Variants in DPP6 observed in about 807,000 individuals in gnomAD.
DPP6 encodes A-type potassium channel modulatory protein DPP6.
DPP6 carries 69 observed loss-of-function variants against 122.6 expected under a neutral mutation model. The ratio of observed to expected loss-of-function variants is 0.56; its 90% CI spans 0.46 to 0.69. The LOEUF (loss-of-function observed/expected upper bound fraction) is 0.69, where lower values mean the gene tolerates loss of function less well. DPP6 is among the 30% of genes least tolerant of loss of function. The pLI, the probability that DPP6 is intolerant of heterozygous loss-of-function variation, is 0.00. For synonymous variants in DPP6, 418 were observed against 433.1 expected, an observed-to-expected ratio of 0.97 and a Z score of 0.43; for missense variants, 928 against 1,116.9, an observed-to-expected ratio of 0.83 and a Z score of 2.41.
chr7:153,772,464 T>G, the DPP6 span, among the ~76,000 whole-genome samples: 1 of 151,784 alleles, frequency 6.6e-6, no homozygotes, highest in Non-Finnish European at 1.5e-5. Flanking sequence ...ACCAATAAAA[T>G]GTGTAAACAT....
At chr7:153,827,668 C>T in the DPP6 span, among the ~76,000 whole-genome samples, 1 of 152,054 alleles carries the variant, frequency 6.6e-6, no homozygotes, top group African/African-American at 2.4e-5. Context: ...CAACAAGGAC[C>T]ACATAGGACA....
chr7:154,827,799 G>C (rs543794868), intron 16 of DPP6, among the ~76,000 whole-genome samples: 1 of 150,510 alleles, frequency 6.6e-6, no homozygotes, highest in East Asian at 2.0e-4. Flanking sequence ...CTGTGGGGGG[G>C]TGTCAGATCC....
chr7:154,683,208 A>T (rs1421641256), intron 7 of DPP6, among the ~76,000 whole-genome samples: 3 of 152,104 alleles, frequency 2.0e-5, no homozygotes, highest in Non-Finnish European at 4.4e-5. Flanking sequence ...TACACTATGC[A>T]TGTTGGTGAG....
intron 1 of DPP6, among the ~76,000 whole-genome samples, chr7:153,891,871 C>T (rs1799219709): frequency 6.6e-6 from 1 of 152,172 alleles, no homozygotes; most frequent in Non-Finnish European, 1.5e-5. Flanking sequence ...ACAGCAGTAT[C>T]AGAGGAGGTT....
intron 1 of DPP6, among the ~76,000 whole-genome samples, chr7:154,182,978 G>C (rs888500445): frequency 1.3e-5 from 2 of 152,118 alleles, no homozygotes; most frequent in Non-Finnish European, 2.9e-5. Context: ...CTGTAATTCA[G>C]AGCTGGTGTT....
intron 1 of DPP6, among the ~76,000 whole-genome samples, chr7:154,342,446 CA>C (rs1468508089): frequency 1.9e-4 from 29 of 152,150 alleles, no homozygotes; most frequent in African/African-American, 7.0e-4. Context: ...TAAACTTTGG[CA>C]AAGTAATCAG....
chr7:154,573,826 G>A (rs1414064580), intron 5 of DPP6, among the ~76,000 whole-genome samples: 2 of 152,230 alleles, frequency 1.3e-5, no homozygotes, highest in African/African-American at 4.8e-5. Context: ...GGCTAAGCCT[G>A]TGTAAGCAGT....
At chr7:153,782,126 G>A in the DPP6 span, among the ~76,000 whole-genome samples, 1 of 151,746 alleles carries the variant, frequency 6.6e-6, no homozygotes, top group Admixed American at 6.6e-5. Flanking sequence ...ATGCTGTTTG[G>A]GAGGGTTTAA....
In DPP6 at chr7:153,903,118, A is replaced by G. The variant is rs144041193; in HGVS notation, c.51+15384A>G. On this transcript the variant is annotated intron_variant, in intron 1 of 25. Transcript: ENST00000404039. ...AAAATTGAGGATCAGGAGACTGCCA[A>G]GGACACCGGTGCTTGATGGAACTAT... Among the ~76,000 whole-genome samples the G allele has an allele frequency of 2.0e-3, 300 of 152,308 alleles. 8 individuals are homozygous for G. In the South Asian group the frequency reaches 0.028, roughly 14 times the overall value.
At chr7:153,811,507 CT>C in the DPP6 span, among the ~76,000 whole-genome samples, 1 of 152,230 alleles carries the variant, frequency 6.6e-6, no homozygotes, top group African/African-American at 2.4e-5. Flanking sequence ...TCATGATCTC[CT>C]TTTTGGGGTT....
chr7:154,242,049 G>A (rs1284878547), intron 1 of DPP6, among the ~76,000 whole-genome samples: 1 of 152,188 alleles, frequency 6.6e-6, no homozygotes, highest in Non-Finnish European at 1.5e-5. Context: ...AGTCACTCTT[G>A]GATTTTCAAT....
intron 1 of DPP6, among the ~76,000 whole-genome samples, chr7:154,018,208 G>A (rs1798523695): frequency 6.6e-6 from 1 of 151,744 alleles, no homozygotes; most frequent in Non-Finnish European, 1.5e-5. Context: ...CTTAGAGGTT[G>A]CTTTCTTTGG....
chr7:153,794,949 G>A, the DPP6 span, among the ~76,000 whole-genome samples: 2 of 152,048 alleles, frequency 1.3e-5, no homozygotes, highest in African/African-American at 2.4e-5. Flanking sequence ...GGCCTCCCCA[G>A]CTATGTGGAA....
chr7:153,834,711 A>G, the DPP6 span, among the ~76,000 whole-genome samples: 2 of 152,326 alleles, frequency 1.3e-5, no homozygotes, highest in Middle Eastern at 3.4e-3. Context: ...CCTATTAGCA[A>G]GCTGCATTTG....
intron 19 of DPP6, among the ~76,000 whole-genome samples, chr7:154,873,946 GCA>G (rs1364640442): frequency 1.6e-4 from 21 of 131,148 alleles, no homozygotes; most frequent in Middle Eastern, 4.8e-3. Context: ...GTGCACACAT[GCA>G]CACACACACG....
At chr7:154,317,268 G>A (rs946558711) in intron 1 of DPP6, among the ~76,000 whole-genome samples, 6 of 152,060 alleles carry the variant, frequency 3.9e-5, no homozygotes, top group Middle Eastern at 3.2e-3. Context: ...AGGCTGAGGC[G>A]GGCGGATCAT....
At chr7:154,232,837 C>T (rs1563345947) in intron 1 of DPP6, among the ~76,000 whole-genome samples, 1 of 152,186 alleles carries the variant, frequency 6.6e-6, no homozygotes, top group Non-Finnish European at 1.5e-5. Context: ...CAGCAGAAAA[C>T]AGCTGAGATA....
chr7:153,763,643 A>G, the DPP6 span, among the ~76,000 whole-genome samples: 1 of 152,202 alleles, frequency 6.6e-6, no homozygotes, highest in Non-Finnish European at 1.5e-5. Flanking sequence ...AAAAGTGTGA[A>G]TAGAAATCTT....
the DPP6 span, among the ~76,000 whole-genome samples, chr7:153,834,060 G>A: frequency 6.6e-6 from 1 of 152,122 alleles, no homozygotes; most frequent in Non-Finnish European, 1.5e-5. Flanking sequence ...GCCGAGATGG[G>A]TGGATCACCT....
Sources: allele counts gnomAD v4.1 joint callset (sites outside exome capture counted in the v4.1 genomes callset), GRCh38; gene constraint gnomAD v4.1.1; transcripts MANE v1.5; gene names NCBI Gene and HGNC (gene_info 2026-07-23, HGNC 2026-07-21).